The following SKAP1 variants were observed in gnomAD, a reference collection of about 807,000 sequenced individuals.
SKAP1 encodes the protein src kinase-associated phosphoprotein 1.
SKAP1 carries 44 observed loss-of-function variants against 58.5 expected under a neutral mutation model. The observed-to-expected ratio is 0.75, with a 90% CI of 0.59 to 0.97. The LOEUF is 0.97. SKAP1 is among the 50% of genes least tolerant of loss of function. The pLI, the probability that SKAP1 is intolerant of heterozygous loss-of-function variation, is 0.00. For missense variants in SKAP1, 390 were observed against 435.2 expected (o/e 0.90, Z 0.92); for synonymous variants, 127 against 149.7 (o/e 0.85, Z 1.11).
At chr17:48,185,303 C>T (rs1255354709) in intron 6 of SKAP1, 1 of 153,774 alleles carries the variant, frequency 6.5e-6, no homozygotes, top group Non-Finnish European at 1.4e-5. Flanking sequence ...CCCTATGTAG[C>T]ATTTGGGCTA....
chr17:48,151,793 C>T (rs2063906136), intron 11 of SKAP1, among the ~76,000 whole-genome samples: 1 of 152,174 alleles, frequency 6.6e-6, no homozygotes, highest in South Asian at 2.1e-4. Context: ...AAACTGCAGA[C>T]TCTCTTTGCT....
At chr17:48,314,530 G>GA (rs888071943) in intron 4 of SKAP1, among the ~76,000 whole-genome samples, 3 of 151,682 alleles carry the variant, frequency 2.0e-5, no homozygotes, top group African/African-American at 4.8e-5. Context: ...AACAGGGAGG[G>GA]AAAAAAAAGT....
intron 4 of SKAP1, among the ~76,000 whole-genome samples, chr17:48,242,211 G>A (rs1005832951): frequency 3.3e-5 from 5 of 152,100 alleles, no homozygotes; most frequent in African/African-American, 1.2e-4. Flanking sequence ...CTCACCCCTC[G>A]GGCTTCTTTA....
At chr17:48,435,238 T>C (rs999161417), upstream of SKAP1, among the ~76,000 whole-genome samples, 3 of 152,284 alleles carry the variant, frequency 2.0e-5, no homozygotes, top group Non-Finnish European at 4.4e-5. Context: ...CTTTTTTTTT[T>C]TTAATCTTCT....
chr17:48,376,886 T>C (rs2067156612), intron 2 of SKAP1, among the ~76,000 whole-genome samples: 1 of 151,958 alleles, frequency 6.6e-6, no homozygotes, highest in South Asian at 2.1e-4. Flanking sequence ...TGCCTGCACA[T>C]AAGAGTTGCT....
chr17:48,371,493 C>G (rs2067084958), intron 2 of SKAP1, among the ~76,000 whole-genome samples: 1 of 151,510 alleles, frequency 6.6e-6, no homozygotes, highest in South Asian at 2.1e-4. Flanking sequence ...TGAAACAGGT[C>G]AGACAAACAA....
intron 9 of SKAP1, among the ~76,000 whole-genome samples, chr17:48,175,302 T>C (rs1035035366): frequency 2.0e-5 from 3 of 152,198 alleles, no homozygotes; most frequent in Non-Finnish European, 4.4e-5. Flanking sequence ...ACTGTGTAAA[T>C]GTGCAACCAG....
intron 4 of SKAP1, among the ~76,000 whole-genome samples, chr17:48,234,404 T>G (rs1396950805): frequency 2.0e-5 from 3 of 152,256 alleles, no homozygotes; most frequent in Non-Finnish European, 2.9e-5. Context: ...TGCTAATGAT[T>G]ATGTCACATT....
chr17:48,357,574 G>A (rs2066891878), intron 3 of SKAP1, among the ~76,000 whole-genome samples: 1 of 152,082 alleles, frequency 6.6e-6, no homozygotes. Context: ...AGCTTGCAGT[G>A]AGCCAAGATC....
chr17:48,408,046 A>T (rs1478907130), intron 1 of SKAP1, among the ~76,000 whole-genome samples: 2 of 152,210 alleles, frequency 1.3e-5, no homozygotes, highest in Non-Finnish European at 2.9e-5. Flanking sequence ...ATTTTTAGAA[A>T]GATCATGAAA....
intron 4 of SKAP1, among the ~76,000 whole-genome samples, chr17:48,191,708 T>C (rs2064547607): frequency 6.6e-6 from 1 of 152,230 alleles, no homozygotes; most frequent in South Asian, 2.1e-4. Flanking sequence ...TGTTTTTAAG[T>C]GTGTCTATGT....
chr17:48,236,625 G>C (rs1456200765), intron 4 of SKAP1, among the ~76,000 whole-genome samples: 2 of 152,196 alleles, frequency 1.3e-5, no homozygotes, highest in Non-Finnish European at 2.9e-5. Context: ...CTTGCCAATG[G>C]AGGAGGAGGA....
intron 4 of SKAP1, among the ~76,000 whole-genome samples, chr17:48,298,669 C>T (rs1303674945): frequency 6.6e-6 from 1 of 152,188 alleles, no homozygotes; most frequent in Non-Finnish European, 1.5e-5. Flanking sequence ...TCATTTATTT[C>T]ATGAGATCCT....
rs557338517 is a variant in SKAP1 at position 48,155,726 on chromosome 17, A to T, written c.978+6743T>A. On this transcript the variant is annotated intron_variant, in intron 11 of 12. Coordinates refer to ENST00000336915, the MANE Select transcript of SKAP1 (RefSeq NM_003726.4). Reference sequence around the variant, plus strand: ...ACAAAAATTAGCTGGGTGCCGTGGCACTTGCCTGTAGTCCCAGTTACTCAG... The same window carrying T: ...ACAAAAATTAGCTGGGTGCCGTGGCTCTTGCCTGTAGTCCCAGTTACTCAG... 2.2e-3 allele frequency among the ~76,000 whole-genome samples: 336 copies of T among 152,208 alleles called. 1 individual carries two copies. The highest frequency in any genetic ancestry group is 2.9e-3 in the Non-Finnish European group (199 of 68,002).
chr17:48,282,632 A>G (rs1223052865), intron 4 of SKAP1, among the ~76,000 whole-genome samples: 2 of 152,032 alleles, frequency 1.3e-5, no homozygotes, highest in African/African-American at 4.8e-5. Flanking sequence ...AAGTCAGCCA[A>G]GCATTGTGGT....
intron 4 of SKAP1, among the ~76,000 whole-genome samples, chr17:48,202,279 G>C (rs1451313269): frequency 1.3e-5 from 2 of 152,126 alleles, no homozygotes; most frequent in Non-Finnish European, 2.9e-5. Context: ...TGATTCTCTG[G>C]GGGTATTTCA....
chr17:48,413,780 T>C lies in SKAP1; in HGVS notation c.46+16295A>G, dbSNP rs999565732. Among the ~76,000 whole-genome samples, 9 of 152,198 alleles carry C rather than the reference T, an allele frequency of 5.9e-5. 1 individual carries two copies. In the Middle Eastern group the frequency reaches 0.01, roughly 173 times the overall value. ...TATAAACATCATGTGCAGTCACATCTGAATGCCTTGAGCTTCCTGTAAGTG... is the reference window on the plus strand; with the variant it reads ...TATAAACATCATGTGCAGTCACATCCGAATGCCTTGAGCTTCCTGTAAGTG... On this transcript the variant is annotated intron_variant, in intron 1 of 12. Coordinates refer to ENST00000336915, the MANE Select transcript of SKAP1 (RefSeq NM_003726.4).
chr17:48,377,991 C>T (rs552970776), intron 2 of SKAP1, among the ~76,000 whole-genome samples: 1 of 152,308 alleles, frequency 6.6e-6, no homozygotes, highest in East Asian at 1.9e-4. Context: ...TATTACTATC[C>T]ACCCAGCTGA....
intron 11 of SKAP1, among the ~76,000 whole-genome samples, chr17:48,139,062 G>A (rs1181275849): frequency 6.6e-6 from 1 of 151,424 alleles, no homozygotes; most frequent in African/African-American, 2.4e-5. Flanking sequence ...TGTATTTTTA[G>A]TAAAGACGGT....
Sources: gnomAD v4.1 joint callset for allele counts (sites outside exome capture counted in the v4.1 genomes callset) on GRCh38, gnomAD v4.1.1 for gene constraint, MANE v1.5 for transcripts, NCBI Gene and HGNC (gene_info 2026-07-23, HGNC 2026-07-21) for gene names.